Variants in KCNN2 observed in about 807,000 individuals in gnomAD.
The protein encoded by KCNN2 is potassium calcium-activated channel subfamily N member 2, also known as small conductance calcium-activated potassium channel protein 2.
A neutral mutation model predicts 55.5 loss-of-function variants in KCNN2; 24 were observed. The observed-to-expected ratio is 0.43, with a 90% CI of 0.31 to 0.61. The LOEUF (loss-of-function observed/expected upper bound fraction) is 0.61. Among genes scored for constraint, KCNN2 ranks in the 20% least tolerant of loss-of-function variants. KCNN2 has a pLI of 0.08. For missense variants in KCNN2, 754 were observed against 853.6 expected, an observed-to-expected ratio of 0.88 and a Z score of 1.45; for synonymous variants, 431 against 336.1, an observed-to-expected ratio of 1.28 and a Z score of -3.09.
intron 1 of KCNN2, among the ~76,000 whole-genome samples, chr5:114,152,032 T>C (rs1452346450): frequency 6.6e-6 from 1 of 152,222 alleles, no homozygotes; most frequent in Non-Finnish European, 1.5e-5. Context: ...ATTTTTCAGT[T>C]TATATATTTC....
chr5:114,364,118 C>G, intron 2 of KCNN2, 117 bp downstream of exon 2: 1 of 735,052 alleles, frequency 1.4e-6, no homozygotes, highest in Non-Finnish European at 2.4e-6. Context: ...TTACAGAAGA[C>G]ACATGCTGTA....
At chr5:114,057,453 T>G (rs1338417289) in intron 1 of KCNN2, among the ~76,000 whole-genome samples, 1 of 152,234 alleles carries the variant, frequency 6.6e-6, no homozygotes, top group East Asian at 1.9e-4. Context: ...GCTCAGCATC[T>G]GAGTCTAGAA....
chr5:114,454,865 C>G (rs1483515556), intron 3 of KCNN2, among the ~76,000 whole-genome samples: 7 of 152,316 alleles, frequency 4.6e-5, no homozygotes, highest in African/African-American at 1.7e-4. Flanking sequence ...TGTGACACTT[C>G]CACGGGTTCT....
At chr5:114,324,334 G>T (rs1034882542) in intron 2 of KCNN2, among the ~76,000 whole-genome samples, 19 of 152,130 alleles carry the variant, frequency 1.2e-4, no homozygotes, top group African/African-American at 4.6e-4. Flanking sequence ...GAGATATGGG[G>T]CTTATCCTAA....
At chr5:114,272,410 T>TATA (rs1561549107) in intron 2 of KCNN2, among the ~76,000 whole-genome samples, 3 of 16,934 alleles carry the variant, frequency 1.8e-4, no homozygotes, top group African/African-American at 2.7e-4. Context: ...TGTATGTACA[T>TATA]ATCTACACAC....
intron 2 of KCNN2, among the ~76,000 whole-genome samples, chr5:114,293,661 G>A (rs188679954): frequency 1.3e-5 from 2 of 152,168 alleles, no homozygotes; most frequent in Admixed American, 1.3e-4. Context: ...CTCTTTTTTT[G>A]TTGTGTCTCT....
chr5:114,410,088 T>C (rs1759084223), intron 3 of KCNN2, among the ~76,000 whole-genome samples: 1 of 152,192 alleles, frequency 6.6e-6, no homozygotes, highest in Non-Finnish European at 1.5e-5. Flanking sequence ...TGTGGCCTAG[T>C]GCTGCTAAGC....
chr5:114,368,612 C>T (rs1757673365), intron 2 of KCNN2, among the ~76,000 whole-genome samples: 1 of 152,098 alleles, frequency 6.6e-6, no homozygotes, highest in African/African-American at 2.4e-5. Context: ...GCAGACCATG[C>T]AGAAAATACT....
At chr5:114,415,501 T>C (rs909880279) in intron 3 of KCNN2, among the ~76,000 whole-genome samples, 4 of 152,224 alleles carry the variant, frequency 2.6e-5, no homozygotes, top group African/African-American at 9.6e-5. Context: ...AATATACACA[T>C]ATGTGTATGT....
chr5:114,152,284 G>A (rs116294271), intron 1 of KCNN2, among the ~76,000 whole-genome samples: 4,706 of 152,180 alleles, frequency 0.031, 255 homozygotes, highest in African/African-American at 0.11. Flanking sequence ...TATTTGGATA[G>A]CAAATCTTCA....
chr5:114,308,577 G>A (rs1756336281), intron 2 of KCNN2, among the ~76,000 whole-genome samples: 1 of 152,136 alleles, frequency 6.6e-6, no homozygotes. Context: ...AGAACCACTA[G>A]AACAGGAAGC....
chr5:114,140,187 G>A lies in KCNN2; in HGVS notation c.-270-81293G>A, dbSNP rs116062718. ...TAGATATAACCTATATAAACAAAGG[G>A]TTTCTTGGAATTGTCAATAATTTTT... On this transcript the variant is annotated intron_variant, in intron 1 of 10. Coordinates refer to the KCNN2 transcript ENST00000512097. 4.3e-3 allele frequency among the ~76,000 whole-genome samples: 656 copies of A among 152,216 alleles called. 1 individual carries two copies. The highest frequency in any genetic ancestry group is 6.8e-3 in the Middle Eastern group (2 of 294).
intron 6 of KCNN2, among the ~76,000 whole-genome samples, chr5:114,489,291 T>A (rs1464027341): frequency 6.6e-6 from 1 of 152,142 alleles, no homozygotes; most frequent in Non-Finnish European, 1.5e-5. Context: ...GTTTTTACAT[T>A]AAAACATTAG....
At chr5:114,439,372 C>CA (rs147601763) in intron 3 of KCNN2, among the ~76,000 whole-genome samples, 8,260 of 152,168 alleles carry the variant, frequency 0.054, 230 homozygotes, top group Middle Eastern at 0.079. Context: ...TCTCACACCC[C>CA]ACTGAATAGC....
chr5:114,130,498 T>C (rs1160349643), intron 1 of KCNN2, among the ~76,000 whole-genome samples: 3 of 152,234 alleles, frequency 2.0e-5, no homozygotes, highest in African/African-American at 7.2e-5. Flanking sequence ...AATTTGGACC[T>C]ATTGCCTAGC....
intron 1 of KCNN2, among the ~76,000 whole-genome samples, chr5:114,127,901 C>A (rs566855466): frequency 3.3e-5 from 5 of 152,272 alleles, no homozygotes; most frequent in African/African-American, 1.2e-4. Flanking sequence ...TGAAACACAG[C>A]AAGAGTCACC....
chr5:114,136,549 G>A (rs547958738), intron 1 of KCNN2, among the ~76,000 whole-genome samples: 10 of 152,204 alleles, frequency 6.6e-5, no homozygotes, highest in Non-Finnish European at 1.0e-4. Context: ...ATGCTGGACA[G>A]TGGAACCTGG....
chr5:114,125,215 T>C (rs1464504581), intron 1 of KCNN2, among the ~76,000 whole-genome samples: 2 of 152,206 alleles, frequency 1.3e-5, no homozygotes, highest in Admixed American at 1.3e-4. Flanking sequence ...GGTGTTAGAC[T>C]AAAAGTTAAA....
chr5:114,282,547 A>C (rs1580691149), intron 2 of KCNN2, among the ~76,000 whole-genome samples: 1 of 152,248 alleles, frequency 6.6e-6, no homozygotes, highest in East Asian at 1.9e-4. Flanking sequence ...AATGTGAACT[A>C]AAATGTAAAG....
Sources: allele counts gnomAD v4.1 joint callset (sites outside exome capture counted in the v4.1 genomes callset), GRCh38; gene constraint gnomAD v4.1.1; transcripts MANE v1.5; gene names NCBI Gene and HGNC (gene_info 2026-07-23, HGNC 2026-07-21).